Variants in DUSP22 observed in about 807,000 individuals in gnomAD.
The protein encoded by DUSP22 is dual specificity phosphatase 22.
A neutral mutation model predicts 24.5 loss-of-function variants in DUSP22; 24 were observed. The observed-to-expected ratio is 0.98, with a 90% CI of 0.71 to 1.38. DUSP22 has a LOEUF of 1.38. Among genes scored for constraint, DUSP22 ranks in the 40% most tolerant of loss-of-function variants. The probability of loss-of-function intolerance (pLI) is 0.00; values close to 1 mark genes in which losing one functional copy is unlikely to be tolerated. For synonymous variants in DUSP22, 160 were observed against 106.4 expected (o/e 1.50, Z -3.10); for missense variants, 330 against 269.2 (o/e 1.23, Z -1.58).
chr6:348,082 G>A, intron 5 of DUSP22, 21 bp from the exon 6 acceptor site: 2 of 1,613,624 alleles, frequency 1.2e-6, no homozygotes, highest in Non-Finnish European at 1.7e-6. Context: ...CCTCACACAT[G>A]TGCTTCTCTT....
intron 1 of DUSP22, among the ~76,000 whole-genome samples, chr6:293,121 G>A (rs988984122): frequency 1.0e-4 from 16 of 152,418 alleles, no homozygotes; most frequent in Admixed American, 8.5e-4. Context: ...AGTTGATTAG[G>A]TTATGTGACT....
chr6:304,610 T>C lies in DUSP22; in HGVS notation c.22-18T>C. 1 of 1,614,236 alleles carries C rather than the reference T, an allele frequency of 6.2e-7. No homozygotes were observed. The highest frequency in any genetic ancestry group is 8.5e-7 in the Non-Finnish European group (1 of 1,180,002). Reference sequence around the variant, plus strand: ...TTAGAGTCTGCCATGCTCATGTCTGTGTCTGTCTCTCTCCTAGATCCTGCC... The same window carrying C: ...TTAGAGTCTGCCATGCTCATGTCTGCGTCTGTCTCTCTCCTAGATCCTGCC... On this transcript the variant is annotated intron_variant, in intron 1 of 6. Coordinates refer to ENST00000419235, the MANE Select transcript of DUSP22 (RefSeq NM_001286555.3).
chr6:299,543 C>T (rs377404110), intron 1 of DUSP22, among the ~76,000 whole-genome samples: 1 of 152,308 alleles, frequency 6.6e-6, no homozygotes, highest in South Asian at 2.1e-4. Context: ...GAGAATCATA[C>T]TGTGACTACA....
chr6:350,929 G>T lies in DUSP22; in HGVS notation c.*1978G>T. ...GAGTTTAGGCTGGTGCTGCCAAAAAGAAAAGCAACATAGAGTTTAAGTATC... is the reference window on the plus strand; with the variant it reads ...GAGTTTAGGCTGGTGCTGCCAAAAATAAAAGCAACATAGAGTTTAAGTATC... On this transcript the variant is annotated 3_prime_UTR_variant, in exon 7 of 7. Coordinates refer to ENST00000419235, the MANE Select transcript of DUSP22 (RefSeq NM_001286555.3). The T allele has an allele frequency of 5.6e-6, 9 of 1,606,442 alleles. No individual in the cohort carries two copies. Among genetic ancestry groups the T allele is most frequent in the Middle Eastern group, 1.7e-4 (1 of 6,050 alleles).
chr6:300,426 G>A (rs1445053527), intron 1 of DUSP22, among the ~76,000 whole-genome samples: 1 of 152,310 alleles, frequency 6.6e-6, no homozygotes, highest in East Asian at 1.9e-4. Context: ...ACTTGAGATG[G>A]TTTGAGGAAT....
intron 5 of DUSP22, among the ~76,000 whole-genome samples, chr6:347,741 C>A (rs1003514511): frequency 6.6e-6 from 1 of 152,422 alleles, no homozygotes; most frequent in Admixed American, 6.5e-5. Context: ...GGGTTTGTCG[C>A]GTAGGCCCTG....
chr6:297,028 A>G (rs1280137759), intron 1 of DUSP22, among the ~76,000 whole-genome samples: 2 of 152,308 alleles, frequency 1.3e-5, no homozygotes, highest in Non-Finnish European at 2.9e-5. Context: ...CAGTGGGTGC[A>G]TCTTGTTTCC....
In DUSP22 at chr6:350,917, T is replaced by C. The variant is rs1760178041; in HGVS notation, c.*1966T>C. On this transcript the variant is annotated 3_prime_UTR_variant, in exon 7 of 7. Transcript: ENST00000419235. ...TGCAAACCCACAGAGTTTAGGCTGG[T>C]GCTGCCAAAAAGAAAAGCAACATAG... 6.2e-7 allele frequency: 1 copy of C among 1,610,740 alleles called. No individual in the cohort carries two copies. The highest frequency in any genetic ancestry group is 8.5e-7 in the Non-Finnish European group (1 of 1,177,840).
chr6:318,500 C>T (rs979688988), intron 3 of DUSP22, among the ~76,000 whole-genome samples: 3 of 152,310 alleles, frequency 2.0e-5, no homozygotes, highest in South Asian at 4.1e-4. Context: ...CCTACCTTTT[C>T]CCTAGGTGAC....
chr6:338,714 G>C (rs1759469804), intron 4 of DUSP22, among the ~76,000 whole-genome samples: 1 of 152,298 alleles, frequency 6.6e-6, no homozygotes, highest in Non-Finnish European at 1.5e-5. Context: ...AAACTATGTT[G>C]CTCATTGTTT....
At chr6:347,539 C>T (rs368600951) in intron 5 of DUSP22, among the ~76,000 whole-genome samples, 2 of 152,300 alleles carry the variant, frequency 1.3e-5, no homozygotes, top group African/African-American at 4.8e-5. Flanking sequence ...GGGTGCCTTG[C>T]TCCCACCCTG....
chr6:332,702 T>C (rs1419571411), intron 3 of DUSP22, among the ~76,000 whole-genome samples: 1 of 152,116 alleles, frequency 6.6e-6, no homozygotes, highest in African/African-American at 2.4e-5. Context: ...TAGATTCTGC[T>C]GGAATAAAGT....
chr6:297,779 C>T (rs1245167083), intron 1 of DUSP22, among the ~76,000 whole-genome samples: 2 of 152,304 alleles, frequency 1.3e-5, no homozygotes, highest in Non-Finnish European at 2.9e-5. Flanking sequence ...GGTTGAGAAG[C>T]TCTGTTTTCA....
chr6:303,465 C>T (rs527569389), intron 1 of DUSP22, among the ~76,000 whole-genome samples: 27 of 152,410 alleles, frequency 1.8e-4, no homozygotes, highest in South Asian at 1.4e-3. Flanking sequence ...GGGTTTTTAG[C>T]GAGGCAGCCG....
chr6:312,133 C>T (rs967188905), intron 3 of DUSP22, among the ~76,000 whole-genome samples, 171 bp downstream of exon 3: 8 of 152,300 alleles, frequency 5.3e-5, no homozygotes, highest in Admixed American at 1.3e-4. Flanking sequence ...CTGTCTGTAG[C>T]GTGGCGCGAG....
chr6:313,438 G>A (rs1434723047), intron 3 of DUSP22, among the ~76,000 whole-genome samples: 1 of 152,310 alleles, frequency 6.6e-6, no homozygotes, highest in Non-Finnish European at 1.5e-5. Flanking sequence ...AAAGCAGGTG[G>A]GTTTGTAACC....
chr6:293,441 C>G (rs1349276599), intron 1 of DUSP22, among the ~76,000 whole-genome samples: 1 of 152,298 alleles, frequency 6.6e-6, no homozygotes, highest in East Asian at 1.9e-4. Context: ...AGACAAGTAC[C>G]TTTTTACGGG....
chr6:347,928 G>GC (rs1181384858), intron 5 of DUSP22, among the ~76,000 whole-genome samples, 175 bp from the exon 6 acceptor site: 1 of 152,420 alleles, frequency 6.6e-6, no homozygotes, highest in East Asian at 1.9e-4. Flanking sequence ...AGCATAGGGA[G>GC]CTGGTACGTT....
chr6:304,472 T>A (rs565603801), intron 1 of DUSP22, among the ~76,000 whole-genome samples, 156 bp from the exon 2 acceptor site: 1 of 152,296 alleles, frequency 6.6e-6, no homozygotes, highest in African/African-American at 2.4e-5. Context: ...CACAGGCCGC[T>A]GGGGATGTTG....
Sources: gnomAD v4.1 joint callset for allele counts (sites outside exome capture counted in the v4.1 genomes callset) on GRCh38, gnomAD v4.1.1 for gene constraint, MANE v1.5 for transcripts, NCBI Gene and HGNC (gene_info 2026-07-23, HGNC 2026-07-21) for gene names.